Variants in LUC7L2 observed in about 807,000 individuals in gnomAD.
LUC7L2 encodes the protein putative RNA-binding protein Luc7-like 2.
In LUC7L2, 25 loss-of-function variants were observed where a neutral mutation model predicts 52.8. That is an observed-to-expected ratio of 0.47 (90% CI 0.34 to 0.66). The LOEUF is 0.66. Among genes scored for constraint, LUC7L2 ranks in the 30% least tolerant of loss-of-function variants. The probability of loss-of-function intolerance (pLI) is 0.01; values close to 1 mark genes in which losing one functional copy is unlikely to be tolerated. For synonymous variants in LUC7L2, 144 were observed against 160.9 expected (o/e 0.89, Z 0.80); for missense variants, 328 against 497.8 (o/e 0.66, Z 3.25).
chr7:139,404,691 C>T (rs1389583351), intron 4 of LUC7L2, among the ~76,000 whole-genome samples: 1 of 152,150 alleles, frequency 6.6e-6, no homozygotes, highest in Non-Finnish European at 1.5e-5. Context: ...CGTATTCTTT[C>T]CCAAGGCCAG....
intron 9 of LUC7L2, 51 bp from the exon 10 acceptor site, chr7:139,422,111 TG>T: frequency 6.5e-7 from 1 of 1,549,840 alleles, no homozygotes; most frequent in Non-Finnish European, 8.7e-7. Context: ...TTCTTTAATT[TG>T]GGTTTTTGGG....
At chr7:139,375,528 C>T (rs905225555) in intron 1 of LUC7L2, 17 of 985,478 alleles carry the variant, frequency 1.7e-5, no homozygotes, top group Non-Finnish European at 2.0e-5. Flanking sequence ...GACACTTCAG[C>T]TGGAACAAAA....
chr7:139,347,144 G>A (rs907309503), intron 1 of LUC7L2, among the ~76,000 whole-genome samples: 1 of 152,128 alleles, frequency 6.6e-6, no homozygotes, highest in East Asian at 1.9e-4. Flanking sequence ...CTGGTAGGTA[G>A]ATAACCTCTT....
chr7:139,392,322 C>T (rs1794478801), intron 2 of LUC7L2: 2 of 240,454 alleles, frequency 8.3e-6, no homozygotes, highest in Non-Finnish European at 1.7e-5. Context: ...GAAAAATGGA[C>T]CATTTTTCTA....
chr7:139,421,663 AGG>A (rs1795911255), intron 9 of LUC7L2, among the ~76,000 whole-genome samples: 1 of 152,256 alleles, frequency 6.6e-6, no homozygotes, highest in Non-Finnish European at 1.5e-5. Flanking sequence ...TGTTGCCGAT[AGG>A]CCAAATCTGG....
chr7:139,403,124 C>T (rs891478665), intron 4 of LUC7L2, among the ~76,000 whole-genome samples: 8 of 152,108 alleles, frequency 5.3e-5, no homozygotes, highest in Admixed American at 2.6e-4. Flanking sequence ...TTTTATTTCT[C>T]CATTGTACAG....
chr7:139,346,758 A>G (rs892994447), intron 1 of LUC7L2, among the ~76,000 whole-genome samples: 1 of 152,166 alleles, frequency 6.6e-6, no homozygotes, highest in East Asian at 1.9e-4. Flanking sequence ...GGATGAGTAC[A>G]TAGACATCTC....
chr7:139,417,567 G>A lies in LUC7L2; in HGVS notation c.839G>A (p.Arg280Gln), dbSNP rs374143857. 5.0e-6 allele frequency: 8 copies of A among 1,613,982 alleles called. No individual in the cohort carries two copies. The highest frequency in any genetic ancestry group is 1.7e-5 in the Admixed American group (1 of 59,978). ...AGGTCCAGAGAGCATCGCAGACATC[G>A]ATCTCGCTCCATGTCACGTGAACGC... ...RSRSREHRRH[R>Q]SRSMSRERKR... The change falls in exon 9 of 10, where the codon CGA becomes CAA. Residue 280 changes from arginine (R) to glutamine (Q), a missense_variant. By Grantham distance (43) the Arg-to-Gln change is conservative. This residue lies in a region of LUC7L2 where 195 missense variants were observed against 223.3 expected (regional missense o/e 0.87). Transcript: ENST00000354926.
chr7:139,358,873 G>T (rs931991340), upstream of LUC7L2, among the ~76,000 whole-genome samples: 1 of 152,014 alleles, frequency 6.6e-6, no homozygotes, highest in African/African-American at 2.4e-5. Flanking sequence ...TAGAGACAGG[G>T]TTTCACCATG....
At chr7:139,388,515 C>T (rs569274754) in intron 2 of LUC7L2, among the ~76,000 whole-genome samples, 53 of 151,772 alleles carry the variant, frequency 3.5e-4, no homozygotes, top group Admixed American at 1.2e-3. Flanking sequence ...GGTCAGACTC[C>T]GTGTTCTTGT....
chr7:139,414,497 A>G (rs564683603), intron 8 of LUC7L2, among the ~76,000 whole-genome samples: 1 of 152,268 alleles, frequency 6.6e-6, no homozygotes, highest in African/African-American at 2.4e-5. Context: ...GCATAGCCCA[A>G]ACTGCCCTGG....
At chr7:139,412,635 A>G (rs554504939) in intron 8 of LUC7L2, 55 bp downstream of exon 8, 237 of 1,543,352 alleles carry the variant, frequency 1.5e-4, no homozygotes, top group Middle Eastern at 1.7e-4. Flanking sequence ...TTTCAAAGGT[A>G]GTTTTTATAG....
chr7:139,368,022 C>T (rs1053037128), intron 1 of LUC7L2, among the ~76,000 whole-genome samples: 1 of 152,170 alleles, frequency 6.6e-6, no homozygotes, highest in Non-Finnish European at 1.5e-5. Context: ...AGTCGATTCA[C>T]GTGAGTCTGG....
At chr7:139,418,642 C>G (rs1242260131) in intron 9 of LUC7L2, among the ~76,000 whole-genome samples, 2 of 152,076 alleles carry the variant, frequency 1.3e-5, no homozygotes, top group Non-Finnish European at 2.9e-5. Context: ...CCTGAAATCA[C>G]TCACAAGCTG....
chr7:139,357,778 G>A (rs963405775), upstream of LUC7L2, among the ~76,000 whole-genome samples: 1 of 148,254 alleles, frequency 6.7e-6, no homozygotes, highest in Non-Finnish European at 1.5e-5. Flanking sequence ...TGCAACCTCC[G>A]CCTCTTGGGT....
At chr7:139,407,713 A>G (rs972721448) in intron 6 of LUC7L2, among the ~76,000 whole-genome samples, 1 of 152,184 alleles carries the variant, frequency 6.6e-6, no homozygotes, top group Non-Finnish European at 1.5e-5. Context: ...AATGAACCCA[A>G]TATTAATTTG....
chr7:139,367,692 A>AGCAGAAATGACTGG (rs1486304255), intron 1 of LUC7L2, among the ~76,000 whole-genome samples: 1 of 152,224 alleles, frequency 6.6e-6, no homozygotes, highest in Non-Finnish European at 1.5e-5. Flanking sequence ...TAAGCCTGTA[A>AGCAGAAATGACTGG]GCAGAAATGA....
chr7:139,354,509 G>A (rs561806083), intron 1 of LUC7L2, among the ~76,000 whole-genome samples: 3 of 152,222 alleles, frequency 2.0e-5, no homozygotes, highest in South Asian at 2.1e-4. Context: ...TTACAGGCAC[G>A]TGCCACCACA....
At chr7:139,380,506 A>G (rs771005433) in intron 2 of LUC7L2, among the ~76,000 whole-genome samples, 30 of 152,166 alleles carry the variant, frequency 2.0e-4, no homozygotes, top group Non-Finnish European at 4.0e-4. Context: ...AGGCTGAGGC[A>G]GGAGAATCGC....
Sources: gnomAD v4.1 joint callset for allele counts (sites outside exome capture counted in the v4.1 genomes callset) on GRCh38, gnomAD v4.1.1 for gene constraint, gnomAD v4.1.1 regional missense constraint, MANE v1.5 for transcripts, NCBI Gene and HGNC (gene_info 2026-07-23, HGNC 2026-07-21) for gene names.